The following TIMM44 variants were observed in gnomAD, a reference collection of about 807,000 sequenced individuals.
TIMM44 encodes mitochondrial import inner membrane translocase subunit TIM44.
A neutral mutation model predicts 63.8 loss-of-function variants in TIMM44; 37 were observed. The ratio of observed to expected loss-of-function variants is 0.58; its 90% CI spans 0.45 to 0.76. The LOEUF (loss-of-function observed/expected upper bound fraction) is 0.76. Ranked by LOEUF, TIMM44 falls within the 30% of genes least tolerant of loss-of-function variation. TIMM44 has a pLI of 0.00. For missense variants in TIMM44, 573 were observed against 603.8 expected, an observed-to-expected ratio of 0.95 and a Z score of 0.54; for synonymous variants, 239 against 245.1, an observed-to-expected ratio of 0.98 and a Z score of 0.23.
At chr19:7,931,367 C>A in intron 9 of TIMM44, 179 bp from the exon 10 acceptor site, 1 of 666,476 alleles carries the variant, frequency 1.5e-6, no homozygotes, top group South Asian at 1.6e-5. Context: ...CCCGTCCCTG[C>A]TGGTGTCAGT....
In TIMM44 at chr19:7,934,972, C is replaced by T. The variant is rs1276734585; in HGVS notation, c.393+93G>A. On this transcript the variant is annotated intron_variant, in intron 4 of 12. Transcript: ENST00000270538. The surrounding 1 kb of genome is among the most constrained non-coding windows in gnomAD (Gnocchi z 5.3). ...CCCATGCCACCCACTGCTGCCAAGC[C>T]ACCCCCACCCAGGAGCCGACTCTTC... 2 of 1,231,416 alleles carry T rather than the reference C, an allele frequency of 1.6e-6. No homozygotes were observed. Among genetic ancestry groups the T allele is most frequent in the African/African-American group, 1.5e-5 (1 of 66,416 alleles). The allele number at this position is 1,231,416 out of a possible 1,614,324, so 76.3% of individuals were successfully genotyped here. A position where few individuals can be genotyped will look rare whatever the true frequency, so the allele number is the denominator to read the frequency against.
At chr19:7,935,973 G>A (rs1227293313) in intron 3 of TIMM44, among the ~76,000 whole-genome samples, 1 of 152,170 alleles carries the variant, frequency 6.6e-6, no homozygotes, top group African/African-American at 2.4e-5. Flanking sequence ...CAGGCAACAT[G>A]GCGAGACCCT....
At chr19:7,941,747 C>T (rs777105724) in intron 1 of TIMM44, among the ~76,000 whole-genome samples, 13 of 152,050 alleles carry the variant, frequency 8.5e-5, no homozygotes, top group Non-Finnish European at 1.8e-4. Flanking sequence ...TGGGGGAAAA[C>T]GGACAGGTCC....
Position 7,934,109 on chromosome 19 carries a change from C to T in TIMM44, c.523G>A (p.Ala175Thr). The T allele has an allele frequency of 6.2e-7, 1 of 1,613,300 alleles. No individual in the cohort carries two copies. The highest frequency in any genetic ancestry group is 8.5e-7 in the Non-Finnish European group (1 of 1,179,978). Residue 175 changes from alanine to threonine, a missense_variant, in exon 5 of 13, where the codon GCC becomes ACC. By Grantham distance (58) the Ala-to-Thr change is moderately conservative. Transcript: ENST00000270538. The surrounding 1 kb of genome is among the most constrained non-coding windows in gnomAD (Gnocchi z 5.3). ...CTCACCTGGGAGAGGGCTCTGAAGG[C>T]CGCTGTCCTGCCCAGCTTCTCCCCG... ...KGGEKLGRTA[A>T]FRALSQGVES... is the part of the protein sequence containing the mutation.
rs1169838156 is a variant in TIMM44, at chr19:7,926,952, TGCAGGGCAGAGCA to T, written c.*222_*234del. The T allele has an allele frequency of 3.4e-5, 19 of 561,008 alleles. No individual in the cohort carries two copies. The highest frequency in any genetic ancestry group is 6.0e-5 in the Non-Finnish European group (19 of 315,378). The allele number at this position is 561,008 out of a possible 1,614,324, so 34.8% of individuals were successfully genotyped here. A position where few individuals can be genotyped will look rare whatever the true frequency, so the allele number is the denominator to read the frequency against. On this transcript the variant is annotated 3_prime_UTR_variant, in exon 13 of 13. Coordinates refer to ENST00000270538, the MANE Select transcript of TIMM44 (RefSeq NM_006351.4). ...CCAGGTGACCAGGCGCCGGGACCCCTGCAGGGCAGAGCAACAGGGCAGGGGTTGGCCCTGCGGG... is the reference window on the plus strand; with the variant it reads ...CCAGGTGACCAGGCGCCGGGACCCCTACAGGGCAGGGGTTGGCCCTGCGGG...
chr19:7,933,759 A>T lies in TIMM44; in HGVS notation c.683+105T>A. Reference sequence around the variant, plus strand: ...GCCGGGAACCTTGGGCAGAAGGCAAACTCAAGAAACGGACTCAGGAGGGAA... The same window carrying T: ...GCCGGGAACCTTGGGCAGAAGGCAATCTCAAGAAACGGACTCAGGAGGGAA... On this transcript the variant is annotated intron_variant, in intron 6 of 12. Transcript: ENST00000270538. This position sits in a 1 kb window ranked among gnomAD's most constrained non-coding sequence, Gnocchi z 4.3. 1 of 1,555,336 alleles carries T rather than the reference A, an allele frequency of 6.4e-7. No individual in the cohort carries two copies. The highest frequency in any genetic ancestry group is 8.8e-7 in the Non-Finnish European group (1 of 1,134,126).
chr19:7,942,684 G>C (rs1027273013), intron 1 of TIMM44, among the ~76,000 whole-genome samples: 7 of 145,822 alleles, frequency 4.8e-5, no homozygotes, highest in African/African-American at 1.8e-4. Context: ...TTTTTGAGAC[G>C]GAGTCTCCCT....
chr19:7,927,521 G>T, intron 12 of TIMM44, 136 bp downstream of exon 12: 1 of 1,099,248 alleles, frequency 9.1e-7, no homozygotes, highest in Non-Finnish European at 1.4e-6. Context: ...CCAAACTCTG[G>T]CCCAGAGGTT....
chr19:7,927,937 G>T, intron 11 of TIMM44, 140 bp downstream of exon 11: 1 of 1,105,456 alleles, frequency 9.0e-7, no homozygotes, highest in Non-Finnish European at 1.3e-6. Flanking sequence ...CCTCCCTCGA[G>T]ACCCTCCCCT....
At chr19:7,928,362 G>T in intron 10 of TIMM44, 196 bp from the exon 11 acceptor site, 1 of 595,098 alleles carries the variant, frequency 1.7e-6, no homozygotes, top group Non-Finnish European at 3.0e-6. Flanking sequence ...CCCACTCCTG[G>T]GAACAACACT....
intron 9 of TIMM44, 77 bp downstream of exon 9, chr19:7,932,550 G>C: frequency 1.3e-6 from 2 of 1,593,858 alleles, no homozygotes; most frequent in Non-Finnish European, 1.7e-6. Context: ...GCAGCACCCA[G>C]GGTGCCGGCT....
intron 1 of TIMM44, 142 bp from the exon 2 acceptor site, chr19:7,941,339 G>A (rs1414395317): frequency 2.9e-6 from 2 of 688,498 alleles, no homozygotes; most frequent in Non-Finnish European, 5.2e-6. Flanking sequence ...TCAGGCTAGA[G>A]TGCAGTGCTG....
At chr19:7,935,011 C>T (rs986140556) in intron 4 of TIMM44, 54 bp downstream of exon 4, 13 of 1,527,192 alleles carry the variant, frequency 8.5e-6, no homozygotes, top group East Asian at 2.4e-5. Context: ...CAGCCTCCAG[C>T]GGCCAGGGGA....
intron 10 of TIMM44, 164 bp from the exon 11 acceptor site, chr19:7,928,330 TA>T (rs1363837073): frequency 4.8e-6 from 3 of 620,688 alleles, no homozygotes; most frequent in Non-Finnish European, 8.7e-6. Flanking sequence ...GCCACCCACT[TA>T]CTGGCCCAGA....
Position 7,933,730 on chromosome 19 carries a change from G to C in TIMM44, c.683+134C>G. Reference sequence around the variant, plus strand: ...CCTCACCTCTCACCCTCAAATTCGAGGGAGCCGGGAACCTTGGGCAGAAGG... The same window carrying C: ...CCTCACCTCTCACCCTCAAATTCGACGGAGCCGGGAACCTTGGGCAGAAGG... On this transcript the variant is annotated intron_variant, in intron 6 of 12. Transcript: ENST00000270538. This position sits in a 1 kb window ranked among gnomAD's most constrained non-coding sequence, Gnocchi z 4.3. The C allele has an allele frequency of 6.9e-7, 1 of 1,449,698 alleles. No homozygotes were observed. Among genetic ancestry groups the C allele is most frequent in the South Asian group, 1.1e-5 (1 of 87,000 alleles). The allele number at this position is 1,449,698 out of a possible 1,614,324, so 89.8% of individuals were successfully genotyped here. A position where few individuals can be genotyped will look rare whatever the true frequency, so the allele number is the denominator to read the frequency against.
At position 7,932,850 on chromosome 19, in the gene TIMM44, G is replaced by A. The variant is rs766405927; in HGVS notation, c.852C>T (p.Thr284=). Reference sequence around the variant, plus strand: ...GGATGACTCACTCACCCAGCAAGTCGGTGACCTTGTCCGTAAGGGCCCGGG... The same window carrying A: ...GGATGACTCACTCACCCAGCAAGTCAGTGACCTTGTCCGTAAGGGCCCGGG... ...RASRALTDKV[T]DLLGGLFSKT... is the part of the protein sequence containing the mutation. The change falls in exon 8 of 13, where the codon ACC becomes ACT. Residue 284 remains threonine (T), a synonymous_variant. Transcript: ENST00000270538. 80 of 1,614,216 alleles carry A rather than the reference G, an allele frequency of 5.0e-5. No individual in the cohort carries two copies. In the Middle Eastern group the frequency reaches 6.6e-4, roughly 13 times the overall value.
chr19:7,932,488 C>T (rs1664096428), intron 9 of TIMM44, 139 bp downstream of exon 9: 16 of 1,232,498 alleles, frequency 1.3e-5, no homozygotes, highest in East Asian at 2.4e-5. Flanking sequence ...CGGGCAGGAG[C>T]CCGTGTGCAA....
intron 3 of TIMM44, among the ~76,000 whole-genome samples, chr19:7,936,401 G>A (rs1292405876): frequency 2.6e-5 from 4 of 152,080 alleles, no homozygotes; most frequent in East Asian, 1.9e-4. Flanking sequence ...GCAGTGAGCC[G>A]AGATCGCACC....
At position 7,943,454 on chromosome 19, in the gene TIMM44, G is replaced by A. The variant is rs577626701; in HGVS notation, c.45+153C>T. 7.2e-5 allele frequency among the ~76,000 whole-genome samples: 11 copies of A among 152,284 alleles called. No individual in the cohort carries two copies. Among genetic ancestry groups the A allele is most frequent in the African/African-American group, 2.6e-4 (11 of 41,570 alleles). The stretch of plus-strand genomic sequence containing the variant: ...CCTCAGGCCACGCTCTGTGCCCCCT[G>A]TCCTGGCCTCTGCTACCCAAAGATC... On this transcript the variant is annotated intron_variant, in intron 1 of 12. Transcript: ENST00000270538. This position sits in a 1 kb window ranked among gnomAD's most constrained non-coding sequence, Gnocchi z 4.3.
Sources: gnomAD v4.1 joint callset for allele counts (sites outside exome capture counted in the v4.1 genomes callset) on GRCh38, gnomAD v4.1.1 for gene constraint, Gnocchi (gnomAD v3.1) non-coding constraint, MANE v1.5 for transcripts, NCBI Gene and HGNC (gene_info 2026-07-23, HGNC 2026-07-21) for gene names.